Variants in TET3 observed in about 807,000 individuals in gnomAD.
TET3 encodes the protein methylcytosine dioxygenase TET3.
TET3 carries 19 observed loss-of-function variants against 141.4 expected under a neutral mutation model. The observed-to-expected ratio is 0.13, with a 90% CI of 0.09 to 0.20. The LOEUF is 0.20. Ranked by LOEUF, TET3 falls within the 10% of genes least tolerant of loss-of-function variation. TET3 has a pLI of 1.00. For missense variants in TET3, 1,874 were observed against 2,356.9 expected, an observed-to-expected ratio of 0.80 and a Z score of 4.24; for synonymous variants, 1,043 against 980.9, an observed-to-expected ratio of 1.06 and a Z score of -1.18.
intron 3 of TET3, among the ~76,000 whole-genome samples, chr2:74,014,808 C>T (rs1476218057): frequency 1.3e-5 from 2 of 152,114 alleles, no homozygotes; most frequent in Non-Finnish European, 2.9e-5. Context: ...TTTCATGAGC[C>T]TCTAGAAAAT....
At chr2:74,058,116 A>G (rs1453520783) in intron 4 of TET3, among the ~76,000 whole-genome samples, 4 of 152,260 alleles carry the variant, frequency 2.6e-5, no homozygotes, top group Non-Finnish European at 5.9e-5. Flanking sequence ...GCATGCCATT[A>G]CAAAGCACAT....
rs777106151 is a variant in TET3, at chr2:74,047,336, C to T, written c.1419C>T (p.Tyr473=). Residue 473 remains tyrosine (Y), a synonymous_variant, in exon 4 of 12, where the codon TAC becomes TAT. Transcript: ENST00000409262. ...AGTTGTTGGGCAGCGCCAGTGATTA[C>T]ATCCAGTCAGTATTCAAGCGGCCTG... ...LEQLLGSASD[Y]IQSVFKRPEA... The T allele has an allele frequency of 6.8e-6, 11 of 1,614,052 alleles. No homozygotes were observed. The highest frequency in any genetic ancestry group is 1.1e-5 in the South Asian group (1 of 91,086).
At chr2:74,052,168 C>T (rs1573795715) in intron 4 of TET3, among the ~76,000 whole-genome samples, 1 of 152,134 alleles carries the variant, frequency 6.6e-6, no homozygotes, top group African/African-American at 2.4e-5. Flanking sequence ...TTAGTAGAGA[C>T]GGGGTTTCAC....
Position 74,000,273 on chromosome 2 carries a change from T to C in TET3, c.304-2837T>C, listed in dbSNP as rs185261478. ...GCCCCCTGCCTCTCCACCCTCCTTG[T>C]GTAGAAACTTGGCTCAGCACATTCC... On this transcript the variant is annotated intron_variant, in intron 2 of 11. Transcript: ENST00000409262. Among the ~76,000 whole-genome samples the C allele has an allele frequency of 3.2e-3, 480 of 152,274 alleles. 3 individuals are homozygous for C. The highest frequency in any genetic ancestry group is 0.011 in the African/African-American group (465 of 41,546).
At chr2:74,099,118 A>G (rs1413630487) in intron 10 of TET3, among the ~76,000 whole-genome samples, 158 bp from the exon 11 acceptor site, 1 of 152,204 alleles carries the variant, frequency 6.6e-6, no homozygotes, top group Admixed American at 6.5e-5. Context: ...CCGTGAACCA[A>G]GATCAATGTG....
In TET3 at chr2:74,087,865, C is replaced by T. The variant is rs1335279703; in HGVS notation, c.2715C>T (p.Leu905=). ...IRRHTLEEKL[L]CLVRHRAGHH... ...GGCACACGCTGGAGGAGAAGCTACT[C>T]TGCCTGGTGCGGCACCGGGCAGGCC... is the stretch of plus-strand genomic sequence containing the variant. The change falls in exon 7 of 12, where the codon CTC becomes CTT. Residue 905 remains leucine (L), a synonymous_variant. Transcript: ENST00000409262. The surrounding 1 kb of genome is among the most constrained non-coding windows in gnomAD (Gnocchi z 4.3). 3.9e-6 allele frequency: 6 copies of T among 1,551,528 alleles called. No homozygotes were observed. The South Asian group carries it at 5.9e-5, about 15-fold the overall frequency.
chr2:74,117,126 G>A, the TET3 span, among the ~76,000 whole-genome samples: 1 of 152,176 alleles, frequency 6.6e-6, no homozygotes. Context: ...TGAAGGTAAA[G>A]AGATAAATCA....
At chr2:74,084,203 A>G (rs146541812) in intron 6 of TET3, among the ~76,000 whole-genome samples, 2 of 152,372 alleles carry the variant, frequency 1.3e-5, no homozygotes, top group East Asian at 3.9e-4. Flanking sequence ...TATCCTTTCA[A>G]AGTCTGAAGG....
At chr2:74,109,867 G>A (rs552988806), downstream of TET3, among the ~76,000 whole-genome samples, 3 of 152,308 alleles carry the variant, frequency 2.0e-5, no homozygotes, top group African/African-American at 7.2e-5. Flanking sequence ...ATTTTTATGA[G>A]TGTACACCAA....
chr2:74,003,053 CT>C, intron 2 of TET3, 56 bp from the exon 3 acceptor site: 1 of 1,545,392 alleles, frequency 6.5e-7, no homozygotes, highest in Non-Finnish European at 8.8e-7. Context: ...AGCAGGAGGA[CT>C]TTGCTGCCTT....
chr2:74,117,222 A>G, the TET3 span, among the ~76,000 whole-genome samples: 17 of 152,092 alleles, frequency 1.1e-4, no homozygotes, highest in Non-Finnish European at 2.2e-4. Flanking sequence ...GATTACAGGT[A>G]TGTGCCACCA....
At chr2:74,050,021 T>C (rs1687861489) in intron 4 of TET3, among the ~76,000 whole-genome samples, 1 of 152,202 alleles carries the variant, frequency 6.6e-6, no homozygotes, top group South Asian at 2.1e-4. Flanking sequence ...CTTTTCTCTG[T>C]GCGTGTATGT....
the TET3 span, among the ~76,000 whole-genome samples, chr2:74,128,264 T>C: frequency 6.6e-6 from 1 of 152,254 alleles, no homozygotes; most frequent in Admixed American, 6.5e-5. Flanking sequence ...AACTTTCAAC[T>C]AATCAATTGA....
intron 3 of TET3, among the ~76,000 whole-genome samples, chr2:74,017,028 A>G (rs1269567846): frequency 1.3e-5 from 2 of 152,152 alleles, no homozygotes; most frequent in East Asian, 1.9e-4. Flanking sequence ...GCACACTCCT[A>G]TAATCTCAGC....
Position 74,100,622 on chromosome 2 carries a change from G to A in TET3, c.3834G>A (p.Lys1278=). The A allele has an allele frequency of 6.2e-7, 1 of 1,613,954 alleles. No homozygotes were observed. The highest frequency in any genetic ancestry group is 8.5e-7 in the Non-Finnish European group (1 of 1,179,880). ...SLTSVNGFHS[K]YALPSFSYYG... ...CCTCCGTCAATGGCTTCCACTCCAA[G>A]TACGCTCTCCCGTCTTTTAGCTACT... Residue 1278 remains lysine, a synonymous_variant, in exon 12 of 12, where the codon AAG becomes AAA. Coordinates refer to ENST00000409262, the MANE Select transcript of TET3 (RefSeq NM_001287491.2).
intron 4 of TET3, among the ~76,000 whole-genome samples, chr2:74,053,372 T>G (rs1447633132): frequency 1.3e-5 from 2 of 152,220 alleles, no homozygotes. Context: ...GGAGCCAGTT[T>G]AGGACGGAGA....
At chr2:74,133,427 G>C in the TET3 span, among the ~76,000 whole-genome samples, 9 of 152,226 alleles carry the variant, frequency 5.9e-5, no homozygotes, top group Admixed American at 5.2e-4. Flanking sequence ...CTGCAGTCAG[G>C]ATGCCAGCTG....
intron 3 of TET3, among the ~76,000 whole-genome samples, chr2:74,018,904 A>G (rs1458332020): frequency 6.6e-6 from 1 of 152,190 alleles, no homozygotes; most frequent in Non-Finnish European, 1.5e-5. Context: ...CTATCCAGAG[A>G]AAGGGAAGTA....
At chr2:74,058,750 A>C (rs1028588653) in intron 4 of TET3, among the ~76,000 whole-genome samples, 3 of 152,178 alleles carry the variant, frequency 2.0e-5, no homozygotes, top group Admixed American at 6.5e-5. Context: ...AAGCCTCCGA[A>C]GTCCACCCCT....
Sources: gnomAD v4.1 joint callset for allele counts (sites outside exome capture counted in the v4.1 genomes callset) on GRCh38, gnomAD v4.1.1 for gene constraint, Gnocchi (gnomAD v3.1) non-coding constraint, MANE v1.5 for transcripts, NCBI Gene and HGNC (gene_info 2026-07-23, HGNC 2026-07-21) for gene names.